Variants in TRPM4 observed in about 807,000 individuals in gnomAD.
TRPM4 encodes the protein transient receptor potential cation channel subfamily M member 4.
TRPM4 carries 124 observed loss-of-function variants against 135.6 expected under a neutral mutation model. The ratio of observed to expected loss-of-function variants is 0.91; its 90% CI spans 0.79 to 1.06. The LOEUF (loss-of-function observed/expected upper bound fraction) is 1.06. Ranked by LOEUF, TRPM4 falls within the 50% of genes least tolerant of loss-of-function variation. The pLI is 0.00. For missense variants in TRPM4, 1,658 were observed against 1,671.4 expected (o/e 0.99, Z 0.14); for synonymous variants, 745 against 705.6 (o/e 1.06, Z -0.88).
intron 20 of TRPM4, 36 bp downstream of exon 20, chr19:49,202,177 A>G: frequency 1.2e-6 from 2 of 1,611,610 alleles, no homozygotes; most frequent in Middle Eastern, 1.7e-4. Context: ...GACCCCACCC[A>G]GCATGACCCG....
rs752621038 is a variant in TRPM4, at chr19:49,182,794, G to A, written c.1480G>A (p.Gly494Arg). ...CACCAAAGCCCCAGCCCTAAAAGGG[G>A]GAGCTGCGGAGCTCCGGCCCCCTGA... ...AGTKAPALKG[G>R]AAELRPPDVG... The change falls in exon 11 of 25, where the codon GGA (glycine) becomes AGA (arginine). Residue 494 changes from glycine to arginine, a missense_variant. Gly to Arg is a moderately radical substitution (Grantham distance 125). Coordinates refer to ENST00000252826, the MANE Select transcript of TRPM4 (RefSeq NM_017636.4). 4.4e-6 allele frequency: 7 copies of A among 1,577,516 alleles called. No homozygotes were observed. The African/African-American group carries it at 6.7e-5, about 15-fold the overall frequency.
intron 19 of TRPM4, among the ~76,000 whole-genome samples, chr19:49,201,170 G>C (rs1212914268): frequency 1.3e-5 from 2 of 152,052 alleles, no homozygotes; most frequent in Non-Finnish European, 2.9e-5. Context: ...CGGAACAAAG[G>C]AGATAGGGTC....
chr19:49,196,723 G>A lies in TRPM4; in HGVS notation c.2494G>A (p.Gly832Ser), dbSNP rs1223514581. 1.5e-5 allele frequency: 23 copies of A among 1,552,848 alleles called. No homozygotes were observed. Among genetic ancestry groups the A allele is most frequent in the Non-Finnish European group, 2.0e-5 (23 of 1,155,622 alleles). ...FTLLCEELRQGLSGGGGSLAS... is the reference protein window; with the variant it reads ...FTLLCEELRQSLSGGGGSLAS... ...GCTGCTGTGCGAGGAACTGCGCCAG[G>A]GCCTGAGCGGAGGCGGGGGCAGCCT... Residue 832 changes from glycine to serine, a missense_variant, in exon 17 of 25, where the codon GGC (glycine) becomes AGC (serine). By Grantham distance (56) the Gly-to-Ser change is moderately conservative. Coordinates refer to ENST00000252826, the MANE Select transcript of TRPM4 (RefSeq NM_017636.4).
intron 20 of TRPM4, among the ~76,000 whole-genome samples, chr19:49,206,865 G>A (rs1969173267): frequency 6.6e-6 from 1 of 152,186 alleles, no homozygotes; most frequent in Non-Finnish European, 1.5e-5. Context: ...GCTACAAATT[G>A]TTCACCCTTT....
rs546529684 is a variant in TRPM4, at chr19:49,162,910, C to T, written c.93-3131C>T. 1.6e-3 allele frequency among the ~76,000 whole-genome samples: 243 copies of T among 151,086 alleles called. 1 individual carries two copies. Among genetic ancestry groups the T allele is most frequent in the Middle Eastern group, 0.011 (3 of 284 alleles). ...CCGAGTAGCTGGGACTACAGGCACC[C>T]GCCACCATGCCAAGCTGATTTTTGT... On this transcript the variant is annotated intron_variant, in intron 2 of 24. Coordinates refer to ENST00000252826, the MANE Select transcript of TRPM4 (RefSeq NM_017636.4).
Position 49,171,648 on chromosome 19 carries a change from G to C in TRPM4, c.929G>C (p.Cys310Ser), listed in dbSNP as rs1456037957. Reference sequence around the variant, plus strand: ...GCTGGCTCAGGGGGAGCTGCGGACTGCCTGGCGGAGACCCTGGAAGACACT... The same window carrying C: ...GCTGGCTCAGGGGGAGCTGCGGACTCCCTGGCGGAGACCCTGGAAGACACT... Reference protein sequence around the residue: ...LVAGSGGAADCLAETLEDTLA... With the variant: ...LVAGSGGAADSLAETLEDTLA... The change falls in exon 8 of 25, where the codon TGC becomes TCC. Residue 310 changes from cysteine to serine, a missense_variant. Physicochemically the swap from Cys to Ser is moderately radical, Grantham distance 112 (BLOSUM62 -1). This residue lies in a region of TRPM4 where 1,412 missense variants were observed against 1,408.7 expected (regional missense o/e 1.00). Transcript: ENST00000252826. This position sits in a 1 kb window ranked among gnomAD's most constrained non-coding sequence, Gnocchi z 4.7. 1 of 1,613,934 alleles carries C rather than the reference G, an allele frequency of 6.2e-7. No individual in the cohort carries two copies. Among genetic ancestry groups the C allele is most frequent in the Non-Finnish European group, 8.5e-7 (1 of 1,180,018 alleles).
At chr19:49,177,616 A>G (rs10408260) in intron 9 of TRPM4, among the ~76,000 whole-genome samples, 53,511 of 151,772 alleles carry the variant, frequency 0.35, 9,865 homozygotes, top group African/African-American at 0.45. Flanking sequence ...GTGAGCCACC[A>G]CCCCTGGCCC....
chr19:49,184,452 C>CTTTTTTTTTTTTTTTT (rs67748057), intron 12 of TRPM4, among the ~76,000 whole-genome samples: 1 of 45,476 alleles, frequency 2.2e-5, no homozygotes, highest in African/African-American at 1.1e-4. Flanking sequence ...TCTCTGTAGT[C>CTTTTTTTTTTTTTTTT]TTTTTTTTTT....
At chr19:49,205,815 C>T (rs184034007) in intron 20 of TRPM4, among the ~76,000 whole-genome samples, 6 of 151,862 alleles carry the variant, frequency 4.0e-5, no homozygotes, top group East Asian at 3.9e-4. Context: ...GGATTACAGC[C>T]GTGAGCCACT....
intron 3 of TRPM4, among the ~76,000 whole-genome samples, chr19:49,167,489 CTCTCTCTCTGGGTCTCTGTCCCT>C (rs1967256039): frequency 7.8e-6 from 1 of 128,198 alleles, no homozygotes; most frequent in African/African-American, 3.3e-5. Flanking sequence ...GTCTCTGTCC[CTCTCTCTCTGGGTCTCTGTCCCT>C]CTCTCTCTGG....
chr19:49,197,631 G>T lies in TRPM4; in HGVS notation c.2645+757G>T, dbSNP rs559034464. 1.9e-4 allele frequency among the ~76,000 whole-genome samples: 29 copies of T among 151,140 alleles called. No homozygotes were observed. The South Asian group carries it at 5.7e-3, about 30-fold the overall frequency. On this transcript the variant is annotated intron_variant, in intron 17 of 24. Transcript: ENST00000252826. ...AGGAGAGCAAACAGAAAAGTTTGTGGATACAACCTGGTGACTGGTTTTTTG... is the reference window on the plus strand; with the variant it reads ...AGGAGAGCAAACAGAAAAGTTTGTGTATACAACCTGGTGACTGGTTTTTTG...
chr19:49,210,422 G>T lies in TRPM4; in HGVS notation c.3328+17G>T. ...AGCATTTCCGTAAGAACAGAGCTTG[G>T]CTTAAAAAGGAGAAATATAGGGGAC... On this transcript the variant is annotated intron_variant, in intron 21 of 24. Coordinates refer to ENST00000252826, the MANE Select transcript of TRPM4 (RefSeq NM_017636.4). This position sits in a 1 kb window ranked among gnomAD's most constrained non-coding sequence, Gnocchi z 4.1. 1 of 1,611,478 alleles carries T rather than the reference G, an allele frequency of 6.2e-7. No individual in the cohort carries two copies. The highest frequency in any genetic ancestry group is 8.5e-7 in the Non-Finnish European group (1 of 1,179,800).
chr19:49,196,653 G>A lies in TRPM4; in HGVS notation c.2424G>A (p.Ala808=). ...TGCTGCTCGTGGATTTCCAGCCGGC[G>A]CCGCCCGGCTCCCTGGAGCTGCTGC... is the stretch of plus-strand genomic sequence containing the variant. ...SRVLLVDFQP[A]PPGSLELLLY... is the part of the protein sequence containing the mutation. The change falls in exon 17 of 25, where the codon GCG becomes GCA. Residue 808 remains alanine, a synonymous_variant. Coordinates refer to ENST00000252826, the MANE Select transcript of TRPM4 (RefSeq NM_017636.4). 4 of 1,546,604 alleles carry A rather than the reference G, an allele frequency of 2.6e-6. No individual in the cohort carries two copies. The highest frequency in any genetic ancestry group is 3.5e-6 in the Non-Finnish European group (4 of 1,149,640).
Position 49,190,791 on chromosome 19 carries a change from C to G in TRPM4, c.2210+18C>G. The G allele has an allele frequency of 1.2e-6, 2 of 1,613,164 alleles. No individual in the cohort carries two copies. The highest frequency in any genetic ancestry group is 8.5e-7 in the Non-Finnish European group (1 of 1,179,196). ...CCTGTCGGGTGAGTGGAGCCTCCAG[C>G]ACTGTGTGAGGTGGGGACACCCTGG... On this transcript the variant is annotated intron_variant, in intron 16 of 24. Coordinates refer to ENST00000252826, the MANE Select transcript of TRPM4 (RefSeq NM_017636.4).
chr19:49,209,779 T>C (rs8105653), intron 20 of TRPM4, among the ~76,000 whole-genome samples: 8,028 of 146,776 alleles, frequency 0.055, 719 homozygotes, highest in African/African-American at 0.18. Flanking sequence ...GATGGAGTCT[T>C]ACTCTGTCTC....
Position 49,211,125 on chromosome 19 carries a change from G to A in TRPM4, c.3534+38G>A, listed in dbSNP as rs1244057569. ...GGCCTGGCTGGGGGACTGTGGCAGG[G>A]GTCCCATCTCCCGCTCTGACATTCC... On this transcript the variant is annotated intron_variant, in intron 23 of 24. Transcript: ENST00000252826. This position sits in a 1 kb window ranked among gnomAD's most constrained non-coding sequence, Gnocchi z 4.8. The A allele has an allele frequency of 6.2e-7, 1 of 1,611,784 alleles. No individual in the cohort carries two copies. The highest frequency in any genetic ancestry group is 8.5e-7 in the Non-Finnish European group (1 of 1,179,042).
Position 49,190,197 on chromosome 19 carries a change from A to T in TRPM4, c.2020-11A>T, listed in dbSNP as rs1371239349. ...GGAGATTTGGATCCTAATCCTTCCC[A>T]CCCCCCACAGTCTCTGCTGACACAG... On this transcript the variant is annotated splice_polypyrimidine_tract_variant and intron_variant, in intron 14 of 24. Transcript: ENST00000252826. 1.1e-5 allele frequency: 18 copies of T among 1,607,984 alleles called. No individual in the cohort carries two copies. The highest frequency in any genetic ancestry group is 1.4e-5 in the Non-Finnish European group (17 of 1,174,820).
At position 49,211,041 on chromosome 19, in the gene TRPM4, GAC is replaced by G; in HGVS notation, c.3492_3493del (p.Ile1165ProfsTer18). ...GTGGACTTGGCACTGAAACAGCTGG[GAC>G]ACATCCGCGAGTACGAACAGCGCCT... On this transcript the variant is annotated frameshift_variant, in exon 23 of 25. Transcript: ENST00000252826. LOFTEE classifies it high-confidence loss of function. The surrounding 1 kb of genome is among the most constrained non-coding windows in gnomAD (Gnocchi z 4.8). The G allele has an allele frequency of 1.2e-6, 2 of 1,614,122 alleles. No homozygotes were observed. Among genetic ancestry groups the G allele is most frequent in the Non-Finnish European group, 1.7e-6 (2 of 1,180,000 alleles).
chr19:49,184,431 G>T, intron 12 of TRPM4, among the ~76,000 whole-genome samples: 2 of 122,900 alleles, frequency 1.6e-5, no homozygotes, highest in Admixed American at 1.6e-4. Flanking sequence ...TTTCTATTTG[G>T]TTCATTTCTG....
Sources: gnomAD v4.1 joint callset for allele counts (sites outside exome capture counted in the v4.1 genomes callset) on GRCh38, gnomAD v4.1.1 for gene constraint, gnomAD v4.1.1 regional missense constraint, Gnocchi (gnomAD v3.1) non-coding constraint, MANE v1.5 for transcripts, NCBI Gene and HGNC (gene_info 2026-07-23, HGNC 2026-07-21) for gene names.